OCA2: variants seen among roughly 807,000 people sequenced by gnomAD.
OCA2 encodes the protein OCA2 melanosomal transmembrane protein.
OCA2 carries 77 observed loss-of-function variants against 100.2 expected under a neutral mutation model. The ratio of observed to expected loss-of-function variants is 0.77; its 90% CI spans 0.64 to 0.93. The LOEUF (loss-of-function observed/expected upper bound fraction) is 0.93. Among genes scored for constraint, OCA2 ranks in the 40% least tolerant of loss-of-function variants. The probability of loss-of-function intolerance (pLI) is 0.00; values close to 1 mark genes in which losing one functional copy is unlikely to be tolerated. For synonymous variants in OCA2, 432 were observed against 439.2 expected, an observed-to-expected ratio of 0.98 and a Z score of 0.21; for missense variants, 1,062 against 1,089.1, an observed-to-expected ratio of 0.98 and a Z score of 0.35.
chr15:27,772,886 C>T (rs1002617745), intron 23 of OCA2, among the ~76,000 whole-genome samples: 3 of 150,972 alleles, frequency 2.0e-5, no homozygotes, highest in African/African-American at 4.9e-5. Context: ...AACTATATGT[C>T]TAAGAATTCA....
chr15:28,065,736 G>C (rs890791765), intron 2 of OCA2, among the ~76,000 whole-genome samples: 1 of 151,990 alleles, frequency 6.6e-6, no homozygotes, highest in African/African-American at 2.4e-5. Context: ...TCTTAATTAT[G>C]TTGTTTTCCA....
intron 23 of OCA2, among the ~76,000 whole-genome samples, chr15:27,818,877 G>C (rs2034403753): frequency 6.6e-6 from 1 of 152,150 alleles, no homozygotes; most frequent in Admixed American, 6.5e-5. Context: ...AAATGGATTT[G>C]TGTTTCCTAA....
chr15:28,032,118 A>T lies in OCA2; in HGVS notation c.273T>A (p.Asp91Glu), dbSNP rs755736455. Residue 91 changes from aspartate (D) to glutamate (E), a missense_variant, in exon 3 of 24, where the codon GAT becomes GAA. Asp to Glu is a conservative substitution (Grantham distance 45, BLOSUM62 2). Coordinates refer to ENST00000354638, the MANE Select transcript of OCA2 (RefSeq NM_000275.3). ...LPQMSSSRSKDSCFTENTPLL... is the reference protein window; with the variant it reads ...LPQMSSSRSKESCFTENTPLL... ...AAGGAGTGTTTTCTGTAAAGCAGGAATCTTTAGACCTGGAGCTGGACATCT... is the reference window on the plus strand; with the variant it reads ...AAGGAGTGTTTTCTGTAAAGCAGGATTCTTTAGACCTGGAGCTGGACATCT... 2 of 1,614,136 alleles carry T rather than the reference A, an allele frequency of 1.2e-6. No homozygotes were observed. The highest frequency in any genetic ancestry group is 8.5e-7 in the Non-Finnish European group (1 of 1,179,974).
At chr15:27,809,851 G>A (rs549506099) in intron 23 of OCA2, among the ~76,000 whole-genome samples, 16 of 152,292 alleles carry the variant, frequency 1.1e-4, no homozygotes, top group Admixed American at 1.3e-4. Flanking sequence ...ACAAAACACT[G>A]CTGAAAGAAA....
At chr15:27,946,540 A>G (rs989599441) in intron 18 of OCA2, among the ~76,000 whole-genome samples, 14 of 152,170 alleles carry the variant, frequency 9.2e-5, no homozygotes, top group African/African-American at 3.1e-4. Flanking sequence ...TTTTTTGTCT[A>G]TAAGTTTGTT....
At chr15:28,006,264 C>T (rs2042088242) in intron 9 of OCA2, among the ~76,000 whole-genome samples, 1 of 152,200 alleles carries the variant, frequency 6.6e-6, no homozygotes, top group Admixed American at 6.5e-5. Context: ...CGCCCCACCA[C>T]CCCCCACCTC....
At chr15:27,912,794 C>T (rs1313503186) in intron 19 of OCA2, among the ~76,000 whole-genome samples, 1 of 152,116 alleles carries the variant, frequency 6.6e-6, no homozygotes, top group Non-Finnish European at 1.5e-5. Flanking sequence ...CAAAGTATTT[C>T]CCCACAAGAT....
At chr15:27,895,003 A>G (rs2037627631) in intron 19 of OCA2, among the ~76,000 whole-genome samples, 1 of 152,154 alleles carries the variant, frequency 6.6e-6, no homozygotes, top group African/African-American at 2.4e-5. Context: ...TGATGATGAC[A>G]CTCATACCAC....
intron 2 of OCA2, among the ~76,000 whole-genome samples, chr15:28,033,367 G>A (rs1432799455): frequency 6.6e-6 from 1 of 152,164 alleles, no homozygotes; most frequent in Non-Finnish European, 1.5e-5. Context: ...TTCTGATCAC[G>A]AATGCACAAC....
the OCA2 span, among the ~76,000 whole-genome samples, chr15:27,739,124 GT>G: frequency 6.6e-6 from 1 of 152,250 alleles, no homozygotes; most frequent in South Asian, 2.1e-4. Flanking sequence ...AACTACTTGA[GT>G]TTTCTTTAGT....
At chr15:27,994,443 C>A (rs1220884551) in intron 9 of OCA2, among the ~76,000 whole-genome samples, 2 of 152,170 alleles carry the variant, frequency 1.3e-5, no homozygotes, top group African/African-American at 4.8e-5. Flanking sequence ...TGCCCATGCT[C>A]TGGGAAATAT....
intron 11 of OCA2, 99 bp downstream of exon 11, chr15:27,989,500 CTG>C: frequency 3.3e-6 from 3 of 920,062 alleles, no homozygotes; most frequent in Admixed American, 3.7e-5. Flanking sequence ...GCCCTAGGCG[CTG>C]TGTCTTTAAC....
intron 23 of OCA2, among the ~76,000 whole-genome samples, chr15:27,777,045 C>G (rs2032277179): frequency 6.6e-6 from 1 of 152,008 alleles, no homozygotes; most frequent in Non-Finnish European, 1.5e-5. Context: ...CCAGAGGGAG[C>G]TTTGTCCACA....
intron 9 of OCA2, among the ~76,000 whole-genome samples, chr15:27,990,853 T>C (rs1422927104): frequency 6.6e-6 from 1 of 152,232 alleles, no homozygotes; most frequent in Non-Finnish European, 1.5e-5. Flanking sequence ...GGAAGCTGCT[T>C]GCATTTCCTA....
chr15:27,723,380 C>T, the OCA2 span, among the ~76,000 whole-genome samples: 1 of 152,106 alleles, frequency 6.6e-6, no homozygotes. Context: ...ATGAGCACTG[C>T]TGTGTGAGTC....
chr15:27,814,581 T>A (rs2034205082), intron 23 of OCA2, among the ~76,000 whole-genome samples: 1 of 152,126 alleles, frequency 6.6e-6, no homozygotes, highest in African/African-American at 2.4e-5. Flanking sequence ...GTGTTCATAT[T>A]AAAATAAAAA....
chr15:27,898,129 G>C (rs1335318883), intron 19 of OCA2, among the ~76,000 whole-genome samples: 4 of 152,182 alleles, frequency 2.6e-5, no homozygotes, highest in Non-Finnish European at 5.9e-5. Flanking sequence ...GACTTGCCTT[G>C]TCTCAGATGA....
intron 23 of OCA2, among the ~76,000 whole-genome samples, chr15:27,756,449 C>A (rs2030377672): frequency 6.6e-6 from 1 of 152,240 alleles, no homozygotes; most frequent in Admixed American, 6.5e-5. Context: ...TGGTAGGATT[C>A]TCTTGGCTTC....
chr15:27,902,225 T>C (rs2037974896), intron 19 of OCA2, among the ~76,000 whole-genome samples: 1 of 151,884 alleles, frequency 6.6e-6, no homozygotes, highest in Admixed American at 6.6e-5. Flanking sequence ...TGTTGTTTTT[T>C]TCTATTTTTA....
Sources: gnomAD v4.1 joint callset for allele counts (sites outside exome capture counted in the v4.1 genomes callset) on GRCh38, gnomAD v4.1.1 for gene constraint, MANE v1.5 for transcripts, NCBI Gene and HGNC (gene_info 2026-07-23, HGNC 2026-07-21) for gene names.